Variants in SSTR5 observed in about 807,000 individuals in gnomAD.
The protein encoded by SSTR5 is somatostatin receptor 5.
In SSTR5, 1 loss-of-function variant was observed where a neutral mutation model predicts 0.3. The observed-to-expected ratio is 2.98, with a 90% CI of 1.06 to 14.15. The LOEUF is 14.15. Ranked by LOEUF, SSTR5 falls within the 30% of genes most tolerant of loss-of-function variation. The pLI, the probability that SSTR5 is intolerant of heterozygous loss-of-function variation, is 0.12. For missense variants in SSTR5, 516 were observed against 543.2 expected (o/e 0.95, Z 0.50); for synonymous variants, 256 against 263.1 (o/e 0.97, Z 0.26).
chr16:1,079,495 C>A lies in SSTR5; in HGVS notation c.627C>A (p.Gly209=), dbSNP rs1259812170. The A allele has an allele frequency of 6.2e-7, 1 of 1,611,680 alleles. No individual in the cohort carries two copies. Among genetic ancestry groups the A allele is most frequent in the Non-Finnish European group, 8.5e-7 (1 of 1,179,378 alleles). Residue 209 remains glycine, a synonymous_variant, in exon 2 of 2, where the codon GGC becomes GGA. Coordinates refer to ENST00000689027, the MANE Select transcript of SSTR5 (RefSeq NM_001172560.3). ...AVFIIYTAVL[G]FFAPLLVICL... ...TCATCATCTACACGGCCGTGCTGGG[C>A]TTCTTCGCGCCGCTGCTGGTCATCT...
chr16:1,080,103 G>T lies in SSTR5; in HGVS notation c.*140G>T. The T allele has an allele frequency of 8.6e-7, 1 of 1,167,174 alleles. No homozygotes were observed. Among genetic ancestry groups the T allele is most frequent in the South Asian group, 1.6e-5 (1 of 61,686 alleles). The allele number at this position is 1,167,174 out of a possible 1,614,324, so 72.3% of individuals were successfully genotyped here. ...CAGAGCTGGCTGAAGCCAGGCTGGG[G>T]TAGACACAGGGCAGTAGGTTCCCCA... is the stretch of plus-strand genomic sequence containing the variant. On this transcript the variant is annotated 3_prime_UTR_variant, in exon 2 of 2. Coordinates refer to ENST00000689027, the MANE Select transcript of SSTR5 (RefSeq NM_001172560.3).
chr16:1,079,531 C>CCTG lies in SSTR5; in HGVS notation c.666_668dup (p.Leu223dup). ...CGCTGCTGGTCATCTGCCTGTGCTA[C>CCTG]CTGCTCATCGTGGTGAAGGTGAGGG... On this transcript the variant is annotated inframe_insertion, in exon 2 of 2. Coordinates refer to ENST00000689027, the MANE Select transcript of SSTR5 (RefSeq NM_001172560.3). 6.2e-7 allele frequency: 1 copy of CCTG among 1,612,194 alleles called. No homozygotes were observed.
At chr16:1,075,779 G>T (rs372716163) in intron 1 of SSTR5, among the ~76,000 whole-genome samples, 4 of 151,728 alleles carry the variant, frequency 2.6e-5, no homozygotes, top group African/African-American at 9.7e-5. Context: ...AGAGGGAGCC[G>T]CAAACATGGC....
Position 1,081,068 on chromosome 16 carries a change from C to A in SSTR5, c.*1105C>A, listed in dbSNP as rs1960367504. ...ATGGCAGGCCCTGGGAATCCCGCCG[C>A]CTCCCACCTAGAATTGTCCTACCTC... On this transcript the variant is annotated 3_prime_UTR_variant, in exon 2 of 2. Transcript: ENST00000689027. 2 of 470,174 alleles carry A rather than the reference C, an allele frequency of 4.3e-6. No homozygotes were observed. The highest frequency in any genetic ancestry group is 8.8e-6 in the Non-Finnish European group (2 of 226,664). The allele number at this position is 470,174 out of a possible 1,614,324, so 29.1% of individuals were successfully genotyped here.
Position 1,079,233 on chromosome 16 carries a change from A to C in SSTR5, c.365A>C (p.Asn122Thr). 6.2e-7 allele frequency: 1 copy of C among 1,612,454 alleles called. No individual in the cohort carries two copies. Among genetic ancestry groups the C allele is most frequent in the Non-Finnish European group, 8.5e-7 (1 of 1,179,876 alleles). ...CTGGTCATGACGCTGGACGGCGTCA[A>C]CCAGTTCACCAGTGTCTTCTGCCTG... ...CRLVMTLDGV[N>T]QFTSVFCLTV... The change falls in exon 2 of 2, where the codon AAC (asparagine) becomes ACC (threonine). Residue 122 changes from asparagine to threonine, a missense_variant. Transcript: ENST00000689027.
chr16:1,080,866 G>A lies in SSTR5; in HGVS notation c.*903G>A. The stretch of plus-strand genomic sequence containing the variant: ...TGCTGCAGGAGGACCTGAGGGTCAG[G>A]GCTTGGAGAGGACAGGGAACCTGCG... On this transcript the variant is annotated 3_prime_UTR_variant, in exon 2 of 2. Transcript: ENST00000689027. The A allele has an allele frequency of 2.7e-6, 1 of 373,298 alleles. No homozygotes were observed. The highest frequency in any genetic ancestry group is 2.0e-5 in the South Asian group (1 of 48,896). The allele number at this position is 373,298 out of a possible 1,614,324, so 23.1% of individuals were successfully genotyped here.
At position 1,079,613 on chromosome 16, in the gene SSTR5, A is replaced by ATGGTGT; in HGVS notation, c.751_756dup (p.Leu251_Val252dup). On this transcript the variant is annotated inframe_insertion, in exon 2 of 2. Coordinates refer to ENST00000689027, the MANE Select transcript of SSTR5 (RefSeq NM_001172560.3). Reference sequence around the variant, plus strand: ...GCGCTCGGAGCGGAAGGTGACGCGCATGGTGTTGGTGGTGGTGCTGGTGTT... The same window carrying ATGGTGT: ...GCGCTCGGAGCGGAAGGTGACGCGCATGGTGTTGGTGTTGGTGGTGGTGCTGGTGTT... 1 of 1,611,906 alleles carries ATGGTGT rather than the reference A, an allele frequency of 6.2e-7. No homozygotes were observed. The highest frequency in any genetic ancestry group is 8.5e-7 in the Non-Finnish European group (1 of 1,179,212).
At chr16:1,074,646 T>G (rs1199677482) in intron 1 of SSTR5, among the ~76,000 whole-genome samples, 1 of 152,196 alleles carries the variant, frequency 6.6e-6, no homozygotes, top group East Asian at 1.9e-4. Context: ...CCAGCCCCGC[T>G]GTGGTCCCCG....
rs778671015 is a variant in SSTR5, at chr16:1,079,279, C to T, written c.411C>T (p.Arg137=). ...VFCLTVMSVD[R]YLAVVHPLSS... Reference sequence around the variant, plus strand: ...GCCTGACAGTCATGAGCGTGGACCGCTACCTGGCAGTGGTGCACCCGCTGA... The same window carrying T: ...GCCTGACAGTCATGAGCGTGGACCGTTACCTGGCAGTGGTGCACCCGCTGA... The change falls in exon 2 of 2, where the codon CGC becomes CGT. Residue 137 remains arginine (R), a synonymous_variant. Transcript: ENST00000689027. 1 of 1,611,992 alleles carries T rather than the reference C, an allele frequency of 6.2e-7. No individual in the cohort carries two copies. Among genetic ancestry groups the T allele is most frequent in the East Asian group, 2.2e-5 (1 of 44,862 alleles).
chr16:1,073,781 A>C (rs1960137559), intron 1 of SSTR5, among the ~76,000 whole-genome samples: 1 of 152,202 alleles, frequency 6.6e-6, no homozygotes. Flanking sequence ...CCCTTTCTGA[A>C]GGCAGTGATT....
At position 1,078,872 on chromosome 16, in the gene SSTR5, G is replaced by T; in HGVS notation, c.4G>T (p.Glu2Ter). The T allele has an allele frequency of 1.2e-6, 2 of 1,605,544 alleles. No homozygotes were observed. Among genetic ancestry groups the T allele is most frequent in the Non-Finnish European group, 1.7e-6 (2 of 1,179,354 alleles). The change falls in exon 2 of 2, where the codon GAG becomes TAG. Residue 2 changes from glutamate to a stop codon, truncating the protein, a stop_gained. Coordinates refer to ENST00000689027, the MANE Select transcript of SSTR5 (RefSeq NM_001172560.3). LOFTEE classifies it low-confidence loss of function (END_TRUNC). M[E>*]PLFPASTPSW... is the part of the protein sequence containing the mutation. The stretch of plus-strand genomic sequence containing the variant: ...GACGCACCCCAGGGCTGCCGCCATG[G>T]AGCCCCTGTTCCCAGCCTCCACGCC...
chr16:1,080,878 A>C lies in SSTR5; in HGVS notation c.*915A>C, dbSNP rs1345570640. 2.1e-5 allele frequency: 8 copies of C among 379,336 alleles called. No homozygotes were observed. The highest frequency in any genetic ancestry group is 4.4e-5 in the Non-Finnish European group (8 of 183,412). The allele number at this position is 379,336 out of a possible 1,614,324, so 23.5% of individuals were successfully genotyped here. A position where few individuals can be genotyped will look rare whatever the true frequency, so the allele number is the denominator to read the frequency against. On this transcript the variant is annotated 3_prime_UTR_variant, in exon 2 of 2. Transcript: ENST00000689027. ...ACCTGAGGGTCAGGGCTTGGAGAGGACAGGGAACCTGCGGCCGTCTCTTCT... is the reference window on the plus strand; with the variant it reads ...ACCTGAGGGTCAGGGCTTGGAGAGGCCAGGGAACCTGCGGCCGTCTCTTCT...
At chr16:1,078,647 G>T in intron 1 of SSTR5, 195 bp from the exon 2 acceptor site, 2 of 622,598 alleles carry the variant, frequency 3.2e-6, no homozygotes, top group South Asian at 2.0e-5. Flanking sequence ...CCTGCCCGCC[G>T]CTCCTTCCTC....
At position 1,081,081 on chromosome 16, in the gene SSTR5, A is replaced by G. The variant is rs1960367709; in HGVS notation, c.*1118A>G. The G allele has an allele frequency of 2.1e-6, 1 of 470,198 alleles. No individual in the cohort carries two copies. 29.1% of individuals were successfully genotyped at this position (470,198 alleles called of 1,614,324 possible). ...GGAATCCCGCCGCCTCCCACCTAGA[A>G]TTGTCCTACCTCCCCCACCCCAAAC... On this transcript the variant is annotated 3_prime_UTR_variant, in exon 2 of 2. Transcript: ENST00000689027.
intron 1 of SSTR5, 68 bp from the exon 2 acceptor site, chr16:1,078,774 G>A: frequency 1.4e-6 from 2 of 1,473,346 alleles, no homozygotes; most frequent in South Asian, 1.2e-5. Context: ...GGGCCCAGGA[G>A]GAAGGAATGC....
At chr16:1,072,925 G>A (rs997034594) in intron 1 of SSTR5, among the ~76,000 whole-genome samples, 103 bp downstream of exon 1, 1 of 151,868 alleles carries the variant, frequency 6.6e-6, no homozygotes, top group Non-Finnish European at 1.5e-5. Flanking sequence ...CCCGGCCCGG[G>A]GTCCCGCCGT....
At chr16:1,075,325 A>C (rs1749953838) in intron 1 of SSTR5, among the ~76,000 whole-genome samples, 1 of 152,090 alleles carries the variant, frequency 6.6e-6, no homozygotes, top group African/African-American at 2.4e-5. Flanking sequence ...CCTTGGAGGA[A>C]CCCTGAGGCT....
Position 1,079,561 on chromosome 16 carries a change from G to A in SSTR5, c.693G>A (p.Ala231=), listed in dbSNP as rs35804776. ...TCATCGTGGTGAAGGTGAGGGCGGC[G>A]GGCGTGCGCGTGGGCTGCGTGCGGC... ...YLLIVVKVRA[A]GVRVGCVRRR... The change falls in exon 2 of 2, where the codon GCG becomes GCA. Residue 231 remains alanine, a synonymous_variant. Transcript: ENST00000689027. 2.8e-3 allele frequency: 4,586 copies of A among 1,611,566 alleles called. 20 individuals are homozygous for A. The highest frequency in any genetic ancestry group is 7.9e-3 in the Middle Eastern group (48 of 6,060).
Position 1,078,973 on chromosome 16 carries a change from G to T in SSTR5, c.105G>T (p.Ser35=). The stretch of plus-strand genomic sequence containing the variant: ...GGACGCTGGTGGGGCCGGCGCCCTC[G>T]GCAGGGGCCCGGGCGGTGCTGGTGC... ...DNRTLVGPAP[S]AGARAVLVPV... Residue 35 remains serine (S), a synonymous_variant, in exon 2 of 2, where the codon TCG becomes TCT. Transcript: ENST00000689027. The T allele has an allele frequency of 1.9e-6, 3 of 1,592,388 alleles. No individual in the cohort carries two copies. The highest frequency in any genetic ancestry group is 2.6e-6 in the Non-Finnish European group (3 of 1,171,214).
Sources: allele counts gnomAD v4.1 joint callset (sites outside exome capture counted in the v4.1 genomes callset), GRCh38; gene constraint gnomAD v4.1.1; transcripts MANE v1.5; gene names NCBI Gene and HGNC (gene_info 2026-07-23, HGNC 2026-07-21).